The following KCNQ3 variants were observed in gnomAD, a reference collection of about 807,000 sequenced individuals.
The protein encoded by KCNQ3 is potassium voltage-gated channel subfamily Q member 3.
KCNQ3 carries 30 observed loss-of-function variants against 92.5 expected under a neutral mutation model. The observed-to-expected ratio is 0.32, with a 90% CI of 0.24 to 0.44. KCNQ3 has a LOEUF of 0.44. Among genes scored for constraint, KCNQ3 ranks in the 20% least tolerant of loss-of-function variants. KCNQ3 has a pLI of 1.00. For missense variants in KCNQ3, 913 were observed against 1,140.3 expected, an observed-to-expected ratio of 0.80 and a Z score of 2.87; for synonymous variants, 450 against 468.8, an observed-to-expected ratio of 0.96 and a Z score of 0.52.
chr8:132,291,140 C>G (rs116603438), intron 1 of KCNQ3, among the ~76,000 whole-genome samples: 2 of 152,152 alleles, frequency 1.3e-5, no homozygotes, highest in African/African-American at 4.8e-5. Context: ...GAAAGGGAGA[C>G]AGCAAATTGA....
chr8:132,347,977 T>TAA lies in KCNQ3; in HGVS notation c.386+132168_386+132169dup, dbSNP rs5895138. The stretch of plus-strand genomic sequence containing the variant: ...GGGCGACAGAGCGAGAGACTCCATC[T>TAA]AAAAAAAAAAAAAAAAAAAAAAAAG... On this transcript the variant is annotated intron_variant, in intron 1 of 14. Coordinates refer to ENST00000388996, the MANE Select transcript of KCNQ3 (RefSeq NM_004519.4). Among the ~76,000 whole-genome samples the TAA allele has an allele frequency of 3.6e-3, 279 of 78,084 alleles. 1 individual carries two copies. The highest frequency in any genetic ancestry group is 0.011 in the African/African-American group (238 of 20,772). The allele number at this position is 78,084 out of a possible 152,430, so 51.2% of individuals were successfully genotyped here.
chr8:132,261,187 G>C (rs1160560456), intron 1 of KCNQ3, among the ~76,000 whole-genome samples: 1 of 152,138 alleles, frequency 6.6e-6, no homozygotes, highest in Non-Finnish European at 1.5e-5. Context: ...AGAAAAGTAG[G>C]GCATTGGGTG....
intron 1 of KCNQ3, among the ~76,000 whole-genome samples, chr8:132,423,543 T>C (rs905105329): frequency 1.2e-4 from 18 of 152,218 alleles, no homozygotes; most frequent in African/African-American, 4.3e-4. Context: ...AACCTCCCCA[T>C]GGGGCCAAGT....
At chr8:132,167,160 GAA>G (rs1427485529) in intron 8 of KCNQ3, among the ~76,000 whole-genome samples, 1 of 151,968 alleles carries the variant, frequency 6.6e-6, no homozygotes, top group Admixed American at 6.5e-5. Flanking sequence ...CAAAGTGAAA[GAA>G]ACCATGCATA....
chr8:132,365,465 A>G (rs1227290620), intron 1 of KCNQ3, among the ~76,000 whole-genome samples: 4 of 152,208 alleles, frequency 2.6e-5, no homozygotes, highest in Admixed American at 6.5e-5. Context: ...TTGCTTCACA[A>G]TGTAGCACCT....
rs750579086 is a variant in KCNQ3, at chr8:132,175,618, T to C, written c.778-10A>G. On this transcript the variant is annotated splice_polypyrimidine_tract_variant and intron_variant, in intron 4 of 14. Coordinates refer to ENST00000388996, the MANE Select transcript of KCNQ3 (RefSeq NM_004519.4). ...AGGCCGTGATGAGTTCCTGAAAGAA[T>C]GAACAGTGGACATGAAAAGTGGTCA... The C allele has an allele frequency of 3.3e-5, 53 of 1,613,508 alleles. No homozygotes were observed. Among genetic ancestry groups the C allele is most frequent in the African/African-American group, 2.1e-4 (16 of 74,924 alleles).
At chr8:132,310,589 C>T (rs1212292507) in intron 1 of KCNQ3, among the ~76,000 whole-genome samples, 2 of 152,144 alleles carry the variant, frequency 1.3e-5, no homozygotes, top group Admixed American at 6.5e-5. Flanking sequence ...TAAAATGAGC[C>T]GTCAAAGAGC....
chr8:132,412,937 TCCACCACCTC>T (rs901773096), intron 1 of KCNQ3, among the ~76,000 whole-genome samples: 3 of 152,188 alleles, frequency 2.0e-5, no homozygotes, highest in African/African-American at 7.2e-5. Context: ...CGATGTCCCA[TCCACCACCTC>T]CCAACACATC....
chr8:132,184,194 A>G, intron 3 of KCNQ3, 47 bp downstream of exon 3: 2 of 1,613,088 alleles, frequency 1.2e-6, no homozygotes, highest in South Asian at 2.2e-5. Flanking sequence ...ACAATGCCCC[A>G]AAAGAAGGGA....
At chr8:132,151,801 T>C (rs544802986) in intron 9 of KCNQ3, among the ~76,000 whole-genome samples, 2 of 152,350 alleles carry the variant, frequency 1.3e-5, no homozygotes, top group Non-Finnish European at 2.9e-5. Context: ...TCAGAGGGCC[T>C]CTGGAGTATC....
rs1455672510 is a variant in KCNQ3 at position 132,220,693 on chromosome 8, G to C, written c.387-34512C>G. 1.9e-4 allele frequency among the ~76,000 whole-genome samples: 29 copies of C among 152,098 alleles called. 1 individual carries two copies. The highest frequency in any genetic ancestry group is 1.9e-3 in the Admixed American group (29 of 15,270). On this transcript the variant is annotated intron_variant, in intron 1 of 14. Coordinates refer to ENST00000388996, the MANE Select transcript of KCNQ3 (RefSeq NM_004519.4). ...GAGTTTGGGAGGCAGAGGTTGCAGT[G>C]AGTCAAGATGGCATGACTGCTTTCC...
chr8:132,169,633 T>C (rs1826252589), intron 8 of KCNQ3, among the ~76,000 whole-genome samples: 1 of 152,026 alleles, frequency 6.6e-6, no homozygotes, highest in African/African-American at 2.4e-5. Flanking sequence ...GGTGGCTCAT[T>C]GTGTGGGCTG....
chr8:132,465,636 C>T (rs1347389044), intron 1 of KCNQ3, among the ~76,000 whole-genome samples: 4 of 152,096 alleles, frequency 2.6e-5, no homozygotes, highest in African/African-American at 9.7e-5. Flanking sequence ...CCCAGCTACT[C>T]GGCAGGCTGA....
intron 1 of KCNQ3, among the ~76,000 whole-genome samples, chr8:132,254,462 T>C (rs761135882): frequency 2.0e-5 from 3 of 152,226 alleles, no homozygotes; most frequent in Non-Finnish European, 4.4e-5. Flanking sequence ...CTGTTGGATA[T>C]ATTAATGTGT....
chr8:132,160,932 G>A lies in KCNQ3; in HGVS notation c.1262+2536C>T, dbSNP rs183795965. On this transcript the variant is annotated intron_variant, in intron 9 of 14. Coordinates refer to ENST00000388996, the MANE Select transcript of KCNQ3 (RefSeq NM_004519.4). ...CCTACCTCAGGGCATCATGAGTTGG[G>A]CATCTAAACTAGGTGAGAAGGGATG... Among the ~76,000 whole-genome samples the A allele has an allele frequency of 6.2e-3, 942 of 152,240 alleles. 8 individuals carry two copies. Among genetic ancestry groups the A allele is most frequent in the South Asian group, 0.013 (64 of 4,826 alleles).
At chr8:132,426,719 G>A (rs536792597) in intron 1 of KCNQ3, among the ~76,000 whole-genome samples, 1 of 152,258 alleles carries the variant, frequency 6.6e-6, no homozygotes, top group East Asian at 1.9e-4. Flanking sequence ...CTCCAAGGAA[G>A]AATAAAAACT....
chr8:132,195,497 C>T (rs1827276021), intron 1 of KCNQ3, among the ~76,000 whole-genome samples: 1 of 152,218 alleles, frequency 6.6e-6, no homozygotes, highest in Admixed American at 6.5e-5. Flanking sequence ...GCAGCAAGAG[C>T]TGTCAGTGAG....
At chr8:132,366,883 CA>C (rs1819337595) in intron 1 of KCNQ3, among the ~76,000 whole-genome samples, 2 of 152,088 alleles carry the variant, frequency 1.3e-5, no homozygotes, top group Non-Finnish European at 2.9e-5. Context: ...TGCTTAATTT[CA>C]TAAGTGAGAT....
intron 1 of KCNQ3, among the ~76,000 whole-genome samples, chr8:132,260,572 T>C (rs1444256406): frequency 6.6e-6 from 1 of 152,168 alleles, no homozygotes; most frequent in Non-Finnish European, 1.5e-5. Context: ...GTCTGGTAGA[T>C]GGTGAAGGCA....
Sources: gnomAD v4.1 joint callset for allele counts (sites outside exome capture counted in the v4.1 genomes callset) on GRCh38, gnomAD v4.1.1 for gene constraint, MANE v1.5 for transcripts, NCBI Gene and HGNC (gene_info 2026-07-23, HGNC 2026-07-21) for gene names.